The following ENTREP2 variants were observed in gnomAD, a reference collection of about 807,000 sequenced individuals.
The protein encoded by ENTREP2 is endosomal transmembrane epsin interactor 2.
chr15:29,382,304 G>A, the ENTREP2 span, among the ~76,000 whole-genome samples: 1 of 151,698 alleles, frequency 6.6e-6, no homozygotes, highest in African/African-American at 2.4e-5. Context: ...TTGGGGAAAA[G>A]GCAAATGCAA....
chr15:29,308,059 A>T, the ENTREP2 span, among the ~76,000 whole-genome samples: 1 of 152,198 alleles, frequency 6.6e-6, no homozygotes, highest in Non-Finnish European at 1.5e-5. Flanking sequence ...TCTGAGAGAG[A>T]AAAATTTTAA....
At chr15:29,546,544 C>A in the ENTREP2 span, among the ~76,000 whole-genome samples, 1 of 152,042 alleles carries the variant, frequency 6.6e-6, no homozygotes, top group African/African-American at 2.4e-5. Flanking sequence ...GTGAAAATAA[C>A]GAGAATGTGT....
At chr15:29,456,914 G>A in the ENTREP2 span, among the ~76,000 whole-genome samples, 1 of 152,056 alleles carries the variant, frequency 6.6e-6, no homozygotes, top group Non-Finnish European at 1.5e-5. Context: ...CAGTGAGGCT[G>A]ATGAAGGCAT....
At chr15:29,400,136 A>G in the ENTREP2 span, among the ~76,000 whole-genome samples, 1 of 152,248 alleles carries the variant, frequency 6.6e-6, no homozygotes, top group African/African-American at 2.4e-5. Flanking sequence ...GCCCGTGCAC[A>G]TATGTGAAAA....
At chr15:29,139,626 C>T in the ENTREP2 span, among the ~76,000 whole-genome samples, 1 of 152,330 alleles carries the variant, frequency 6.6e-6, no homozygotes, top group South Asian at 2.1e-4. Context: ...GTGCAAGGGA[C>T]CCTCTCCGCA....
the ENTREP2 span, among the ~76,000 whole-genome samples, chr15:29,251,515 A>G: frequency 6.6e-6 from 1 of 152,192 alleles, no homozygotes; most frequent in East Asian, 1.9e-4. Flanking sequence ...CTTCCTTAAA[A>G]CATTATGAGA....
chr15:29,136,535 C>T, the ENTREP2 span: 40 of 1,540,508 alleles, frequency 2.6e-5, no homozygotes, highest in East Asian at 2.7e-4. Context: ...CGTCATTGCC[C>T]GAAGGAGGAG....
At chr15:29,234,604 T>C in the ENTREP2 span, 2 of 1,533,786 alleles carry the variant, frequency 1.3e-6, no homozygotes, top group South Asian at 1.1e-5. Context: ...AATCTTCTTT[T>C]GTGCAGCTAG....
chr15:29,483,056 TCA>T, the ENTREP2 span, among the ~76,000 whole-genome samples: 1 of 152,258 alleles, frequency 6.6e-6, no homozygotes, highest in Non-Finnish European at 1.5e-5. Context: ...CAGTGGTATC[TCA>T]CTGTTGTTTT....
At chr15:29,196,493 G>C in the ENTREP2 span, 1 of 1,551,726 alleles carries the variant, frequency 6.4e-7, no homozygotes, top group Non-Finnish European at 8.7e-7. Context: ...GCGTCTCCCC[G>C]AGGTTGCTGC....
chr15:29,624,809 T>G, the ENTREP2 span, among the ~76,000 whole-genome samples: 1 of 151,914 alleles, frequency 6.6e-6, no homozygotes, highest in Non-Finnish European at 1.5e-5. Flanking sequence ...ACCAAGAAAT[T>G]AACACTGCTA....
the ENTREP2 span, among the ~76,000 whole-genome samples, chr15:29,391,512 C>A: frequency 2.0e-5 from 3 of 152,084 alleles, no homozygotes; most frequent in African/African-American, 7.2e-5. Flanking sequence ...TTAAAATATT[C>A]TAAATAACTC....
At chr15:29,243,017 T>C in the ENTREP2 span, among the ~76,000 whole-genome samples, 1 of 152,180 alleles carries the variant, frequency 6.6e-6, no homozygotes, top group South Asian at 2.1e-4. Flanking sequence ...CTAGCGAAGC[T>C]GGAGGAGCCA....
At chr15:29,182,585 T>A in the ENTREP2 span, among the ~76,000 whole-genome samples, 1 of 152,046 alleles carries the variant, frequency 6.6e-6, no homozygotes, top group African/African-American at 2.4e-5. Context: ...CCAAAAATGA[T>A]AATTCTCCCC....
chr15:29,653,053 C>G, the ENTREP2 span, among the ~76,000 whole-genome samples: 1 of 152,146 alleles, frequency 6.6e-6, no homozygotes, highest in Non-Finnish European at 1.5e-5. Context: ...ATCCATGTAT[C>G]CCCTGTGCAA....
chr15:29,191,791 A>C, the ENTREP2 span, among the ~76,000 whole-genome samples: 1 of 152,156 alleles, frequency 6.6e-6, no homozygotes, highest in Non-Finnish European at 1.5e-5. Flanking sequence ...GCATATGCCT[A>C]CAGTCCCAGC....
the ENTREP2 span, among the ~76,000 whole-genome samples, chr15:29,424,669 T>C: frequency 6.6e-6 from 1 of 152,164 alleles, no homozygotes; most frequent in Admixed American, 6.5e-5. Flanking sequence ...GGTTTATTTA[T>C]TCCGTTGGTA....
chr15:29,224,007 TTC>T, the ENTREP2 span, among the ~76,000 whole-genome samples: 2 of 152,174 alleles, frequency 1.3e-5, no homozygotes, highest in South Asian at 2.1e-4. Context: ...AATTGATGGG[TTC>T]TTGGTCGCAC....
At chr15:29,485,236 G>A in the ENTREP2 span, among the ~76,000 whole-genome samples, 1 of 152,150 alleles carries the variant, frequency 6.6e-6, no homozygotes, top group East Asian at 1.9e-4. Context: ...AAAAGCAGGA[G>A]GAAGGCCCTG....
Sources: gnomAD v4.1 joint callset for allele counts (sites outside exome capture counted in the v4.1 genomes callset) on GRCh38, gnomAD v4.1.1 for gene constraint, MANE v1.5 for transcripts, NCBI Gene and HGNC (gene_info 2026-07-23, HGNC 2026-07-21) for gene names.